Variants in DLGAP1 observed in about 807,000 individuals in gnomAD.
DLGAP1 encodes the protein disks large-associated protein 1.
A neutral mutation model predicts 90.8 loss-of-function variants in DLGAP1; 11 were observed. That is an observed-to-expected ratio of 0.12 (90% CI 0.08 to 0.20). The LOEUF (loss-of-function observed/expected upper bound fraction) is 0.20. Among genes scored for constraint, DLGAP1 ranks in the 10% least tolerant of loss-of-function variants. The pLI is 1.00. For missense variants in DLGAP1, 1,050 were observed against 1,333.8 expected (o/e 0.79, Z 3.31); for synonymous variants, 558 against 540.7 (o/e 1.03, Z -0.44).
At position 3,667,421 on chromosome 18, in the gene DLGAP1, C is replaced by T. The variant is rs144875315; in HGVS notation, c.1591+61714G>A. ...AACCTTTCTTTGTCTCCTCCACTTA[C>T]AAAATGAGGCTGATAATAGTAGCAT... On this transcript the variant is annotated intron_variant, in intron 7 of 12. Transcript: ENST00000315677. 1.3e-3 allele frequency among the ~76,000 whole-genome samples: 195 copies of T among 152,214 alleles called. 2 individuals are homozygous for T. The highest frequency in any genetic ancestry group is 0.013 in the East Asian group (66 of 5,164).
chr18:3,713,011 G>T (rs938309247), intron 7 of DLGAP1, among the ~76,000 whole-genome samples: 1 of 152,152 alleles, frequency 6.6e-6, no homozygotes. Flanking sequence ...TCTAGTACTG[G>T]CCTTTAAAGC....
intron 3 of DLGAP1, among the ~76,000 whole-genome samples, chr18:3,937,014 G>A (rs528282433): frequency 8.5e-5 from 13 of 152,306 alleles, no homozygotes; most frequent in Admixed American, 5.2e-4. Context: ...GGAGGAGCAC[G>A]TGGAAAGTGT....
chr18:4,051,676 A>G (rs557005699), intron 2 of DLGAP1, among the ~76,000 whole-genome samples: 54 of 152,274 alleles, frequency 3.5e-4, no homozygotes, highest in South Asian at 1.2e-3. Flanking sequence ...TTTCAAACAC[A>G]ATGATGCCCT....
At chr18:3,697,001 T>A (rs2061116725) in intron 7 of DLGAP1, among the ~76,000 whole-genome samples, 1 of 152,220 alleles carries the variant, frequency 6.6e-6, no homozygotes, top group Non-Finnish European at 1.5e-5. Context: ...TTTATAGTAT[T>A]CTCTCATGGT....
intron 1 of DLGAP1, among the ~76,000 whole-genome samples, chr18:4,259,767 ATAGT>A (rs1330725281): frequency 3.3e-5 from 5 of 152,334 alleles, no homozygotes; most frequent in Middle Eastern, 3.4e-3. Context: ...CAAAAATAAA[ATAGT>A]TAGCTAATTT....
chr18:3,982,065 G>A (rs1269447910), intron 3 of DLGAP1, among the ~76,000 whole-genome samples: 3 of 151,562 alleles, frequency 2.0e-5, no homozygotes, highest in African/African-American at 4.8e-5. Flanking sequence ...GAAATAATAG[G>A]AAGAAGAAAA....
chr18:3,807,701 T>A (rs2066632375), intron 5 of DLGAP1, among the ~76,000 whole-genome samples: 1 of 152,222 alleles, frequency 6.6e-6, no homozygotes, highest in Non-Finnish European at 1.5e-5. Context: ...CACCTAGGTA[T>A]TAAGCCCAGC....
At chr18:4,174,429 G>T (rs2144610303) in intron 1 of DLGAP1, among the ~76,000 whole-genome samples, 1 of 152,146 alleles carries the variant, frequency 6.6e-6, no homozygotes, top group Non-Finnish European at 1.5e-5. Flanking sequence ...CCGCCCCCCG[G>T]GTTCAAGCAA....
chr18:3,761,281 A>C (rs1391370112), intron 5 of DLGAP1, among the ~76,000 whole-genome samples: 1 of 151,850 alleles, frequency 6.6e-6, no homozygotes, highest in Non-Finnish European at 1.5e-5. Context: ...CCAACATTCT[A>C]CTTTCTGTAT....
intron 9 of DLGAP1, among the ~76,000 whole-genome samples, chr18:3,550,985 A>G (rs1057059892): frequency 1.5e-4 from 22 of 151,086 alleles, no homozygotes; most frequent in Admixed American, 2.0e-4. Flanking sequence ...CAGGTGATCC[A>G]CCACCTAGGC....
At chr18:3,758,284 T>G (rs773641244) in intron 5 of DLGAP1, among the ~76,000 whole-genome samples, 10 of 152,144 alleles carry the variant, frequency 6.6e-5, no homozygotes, top group Non-Finnish European at 1.0e-4. Context: ...CACTGCACAA[T>G]AAGTCTTGGC....
intron 2 of DLGAP1, among the ~76,000 whole-genome samples, chr18:4,129,309 C>A (rs1041437754): frequency 3.9e-5 from 6 of 152,014 alleles, no homozygotes; most frequent in African/African-American, 7.3e-5. Context: ...AATTTCCAAT[C>A]TAAATTCAAG....
intron 7 of DLGAP1, among the ~76,000 whole-genome samples, chr18:3,677,311 G>A (rs1256380601): frequency 2.0e-5 from 3 of 152,334 alleles, no homozygotes; most frequent in Non-Finnish European, 4.4e-5. Flanking sequence ...AGGGCCATTT[G>A]TGAACACTAG....
At chr18:3,926,895 C>T (rs2072404310) in intron 3 of DLGAP1, among the ~76,000 whole-genome samples, 1 of 152,034 alleles carries the variant, frequency 6.6e-6, no homozygotes, top group Admixed American at 6.6e-5. Context: ...GAGCCTGTAA[C>T]ATGTTATGTC....
Position 4,358,281 on chromosome 18 carries a change from G to A in DLGAP1, c.-267+96725C>T, listed in dbSNP as rs527983395. Among the ~76,000 whole-genome samples the A allele has an allele frequency of 3.9e-5, 6 of 152,312 alleles. No homozygotes were observed. In the East Asian group the frequency reaches 1.2e-3, roughly 29 times the overall value. On this transcript the variant is annotated intron_variant, in intron 1 of 12. Coordinates refer to ENST00000315677, the MANE Select transcript of DLGAP1 (RefSeq NM_004746.4). ...TAATAAAATAAGATGATAAATGACT[G>A]AAAGATTTCTTTGAAATTGGGTGAT...
intron 1 of DLGAP1, among the ~76,000 whole-genome samples, chr18:4,346,265 A>T (rs1156537536): frequency 2.6e-5 from 4 of 152,120 alleles, no homozygotes; most frequent in Non-Finnish European, 5.9e-5. Flanking sequence ...ATTTTTTTTT[A>T]AAGAGCATGA....
intron 2 of DLGAP1, among the ~76,000 whole-genome samples, chr18:4,006,150 T>A (rs2074296474): frequency 6.6e-6 from 1 of 152,220 alleles, no homozygotes; most frequent in African/African-American, 2.4e-5. Flanking sequence ...TGATGGACAG[T>A]AAGTTCTTGC....
In DLGAP1 at chr18:3,534,521, C is replaced by T. The variant is rs369615868; in HGVS notation, c.2152G>A (p.Glu718Lys). Reference sequence around the variant, plus strand: ...ATGGGGCCAGGACACGAATTGTCCTCTATAGATTCCAGAGAATTTTCCAGA... The same window carrying T: ...ATGGGGCCAGGACACGAATTGTCCTTTATAGATTCCAGAGAATTTTCCAGA... ...DNLENSLESI[E>K]DNSCPGPMAR... The change falls in exon 10 of 13, where the codon GAG (glutamate) becomes AAG (lysine). Residue 718 changes from glutamate to lysine, a missense_variant. By Grantham distance (56) the Glu-to-Lys change is moderately conservative. Coordinates refer to ENST00000315677, the MANE Select transcript of DLGAP1 (RefSeq NM_004746.4). 2 of 1,614,144 alleles carry T rather than the reference C, an allele frequency of 1.2e-6. No individual in the cohort carries two copies. The highest frequency in any genetic ancestry group is 1.1e-5 in the South Asian group (1 of 91,080).
intron 1 of DLGAP1, among the ~76,000 whole-genome samples, chr18:4,445,411 A>T (rs1017125870): frequency 6.7e-6 from 1 of 150,206 alleles, no homozygotes. Context: ...CTCGTCATCT[A>T]GCATTAGGTA....
Sources: allele counts gnomAD v4.1 joint callset (sites outside exome capture counted in the v4.1 genomes callset), GRCh38; gene constraint gnomAD v4.1.1; transcripts MANE v1.5; gene names NCBI Gene and HGNC (gene_info 2026-07-23, HGNC 2026-07-21).